LRRC7: variants seen among roughly 807,000 people sequenced by gnomAD.
LRRC7 encodes the protein leucine-rich repeat-containing protein 7.
Under a neutral mutation model 175.7 loss-of-function variants are expected in LRRC7, and 23 were observed. The observed-to-expected ratio is 0.13, with a 90% CI of 0.09 to 0.19. The LOEUF (loss-of-function observed/expected upper bound fraction) is 0.19. Ranked by LOEUF, LRRC7 falls within the 10% of genes least tolerant of loss-of-function variation. The pLI is 1.00. For synonymous variants in LRRC7, 685 were observed against 680.9 expected, an observed-to-expected ratio of 1.01 and a Z score of -0.09; for missense variants, 1,354 against 1,904.7, an observed-to-expected ratio of 0.71 and a Z score of 5.38.
chr1:69,741,100 G>A (rs1668658617), intron 2 of LRRC7, among the ~76,000 whole-genome samples: 2 of 152,020 alleles, frequency 1.3e-5, no homozygotes, highest in African/African-American at 2.4e-5. Context: ...GGGTAAGGGA[G>A]TCATGTCAAC....
intron 7 of LRRC7, among the ~76,000 whole-genome samples, chr1:69,877,924 A>AAC (rs1475663155): frequency 6.6e-6 from 1 of 152,152 alleles, no homozygotes; most frequent in Admixed American, 6.6e-5. Context: ...CTGGGAAAAC[A>AAC]ACACGTGTGA....
intron 7 of LRRC7, among the ~76,000 whole-genome samples, chr1:69,849,754 T>C (rs545347352): frequency 1.3e-5 from 2 of 152,058 alleles, no homozygotes; most frequent in East Asian, 3.9e-4. Context: ...CCTACTTAAT[T>C]CCCTAAATAT....
At chr1:70,041,711 A>G (rs1659912361) in intron 21 of LRRC7, among the ~76,000 whole-genome samples, 1 of 152,276 alleles carries the variant, frequency 6.6e-6, no homozygotes, top group African/African-American at 2.4e-5. Context: ...CAGAGGAATG[A>G]GTGAAAACAA....
intron 1 of LRRC7, among the ~76,000 whole-genome samples, chr1:69,619,572 T>G (rs1180942107): frequency 6.6e-6 from 1 of 152,140 alleles, no homozygotes; most frequent in Admixed American, 6.5e-5. Flanking sequence ...AAATACTATT[T>G]TTGCTTGAAA....
At chr1:69,617,284 C>A (rs775511253) in intron 1 of LRRC7, among the ~76,000 whole-genome samples, 2 of 151,806 alleles carry the variant, frequency 1.3e-5, no homozygotes, top group Admixed American at 6.6e-5. Context: ...TAATGCAAAT[C>A]GAGTCAAATG....
chr1:69,662,135 T>C (rs186839593), intron 1 of LRRC7, among the ~76,000 whole-genome samples: 2 of 152,276 alleles, frequency 1.3e-5, no homozygotes, highest in African/African-American at 4.8e-5. Flanking sequence ...TCTTCGTCTC[T>C]AAAAGACTAA....
At position 69,666,725 on chromosome 1, in the gene LRRC7, G is replaced by C. The variant is rs75699992; in HGVS notation, c.3-11656G>C. Among the ~76,000 whole-genome samples the C allele has an allele frequency of 6.1e-3, 920 of 151,546 alleles. 10 individuals are homozygous for C. Among genetic ancestry groups the C allele is most frequent in the African/African-American group, 0.021 (862 of 41,350 alleles). On this transcript the variant is annotated intron_variant, in intron 1 of 26. Coordinates refer to ENST00000651989, the MANE Select transcript of LRRC7 (RefSeq NM_001370785.2). ...CTCCCCCTTTTTACTCTGGCTAAAG[G>C]CTTGTCAATTTTGTTTGCTTTTTCA...
At chr1:70,019,355 A>G (rs933487287) in intron 15 of LRRC7, among the ~76,000 whole-genome samples, 1 of 151,948 alleles carries the variant, frequency 6.6e-6, no homozygotes, top group African/African-American at 2.4e-5. Context: ...ATCCTTTTTC[A>G]ATAATTAAAT....
intron 1 of LRRC7, among the ~76,000 whole-genome samples, chr1:69,570,203 T>G (rs1375294390): frequency 6.6e-6 from 1 of 152,104 alleles, no homozygotes; most frequent in Non-Finnish European, 1.5e-5. Context: ...GCAGGACACG[T>G]GATCCCTCCA....
At chr1:70,022,403 AT>A (rs1274978134) in intron 16 of LRRC7, 1 of 152,164 alleles carries the variant, frequency 6.6e-6, no homozygotes. Flanking sequence ...GAAATTCTGT[AT>A]TCAAAGAATG....
At chr1:69,939,294 C>T (rs770806065) in intron 8 of LRRC7, among the ~76,000 whole-genome samples, 1 of 151,652 alleles carries the variant, frequency 6.6e-6, no homozygotes, top group Non-Finnish European at 1.5e-5. Flanking sequence ...ATTGGGTCTT[C>T]GACTTCTAAG....
intron 2 of LRRC7, among the ~76,000 whole-genome samples, chr1:69,728,792 G>A (rs577926015): frequency 1.2e-4 from 18 of 152,170 alleles, no homozygotes; most frequent in Non-Finnish European, 2.1e-4. Context: ...TAAAGGAAAA[G>A]GAATAAATTG....
chr1:69,761,487 A>G (rs1489289003), intron 3 of LRRC7, among the ~76,000 whole-genome samples: 1 of 152,068 alleles, frequency 6.6e-6, no homozygotes, highest in Non-Finnish European at 1.5e-5. Context: ...ATAACACTTC[A>G]AAGTTAAGAA....
intron 3 of LRRC7, among the ~76,000 whole-genome samples, chr1:69,791,121 A>G (rs1488245701): frequency 6.6e-6 from 1 of 152,024 alleles, no homozygotes; most frequent in Non-Finnish European, 1.5e-5. Flanking sequence ...GTCAAACAGA[A>G]AAGATCTCAT....
chr1:69,958,216 A>G (rs763819253), intron 8 of LRRC7, among the ~76,000 whole-genome samples: 12 of 151,926 alleles, frequency 7.9e-5, no homozygotes, highest in Non-Finnish European at 1.6e-4. Flanking sequence ...GACATTTAAA[A>G]TTGTTTTTTC....
chr1:70,119,985 G>A (rs902697373), intron 26 of LRRC7, among the ~76,000 whole-genome samples: 30 of 151,996 alleles, frequency 2.0e-4, no homozygotes, highest in Admixed American at 2.0e-3. Flanking sequence ...AAGGCATTAA[G>A]GTAGTCAGTA....
intron 6 of LRRC7, among the ~76,000 whole-genome samples, chr1:69,838,006 C>G (rs987993441): frequency 6.6e-6 from 1 of 151,508 alleles, no homozygotes. Flanking sequence ...TACAGACATA[C>G]AATGTGTAAT....
intron 8 of LRRC7, among the ~76,000 whole-genome samples, chr1:69,943,307 C>T (rs1026943028): frequency 6.6e-6 from 1 of 152,016 alleles, no homozygotes; most frequent in African/African-American, 2.4e-5. Context: ...TGTGCTACAA[C>T]GTGGTTAAAC....
chr1:69,690,677 A>C (rs920790493), intron 2 of LRRC7, among the ~76,000 whole-genome samples: 1 of 152,166 alleles, frequency 6.6e-6, no homozygotes, highest in Non-Finnish European at 1.5e-5. Context: ...ACTATACAAT[A>C]ACACACCAGA....
Sources: allele counts gnomAD v4.1 joint callset (sites outside exome capture counted in the v4.1 genomes callset), GRCh38; gene constraint gnomAD v4.1.1; transcripts MANE v1.5; gene names NCBI Gene and HGNC (gene_info 2026-07-23, HGNC 2026-07-21).